Variants in NOD1 observed in about 807,000 individuals in gnomAD.
The protein encoded by NOD1 is nucleotide-binding oligomerization domain-containing protein 1.
A neutral mutation model predicts 81.2 loss-of-function variants in NOD1; 70 were observed. The ratio of observed to expected loss-of-function variants is 0.86; its 90% CI spans 0.71 to 1.05. The LOEUF is 1.05. Among genes scored for constraint, NOD1 ranks in the 50% least tolerant of loss-of-function variants. The probability of loss-of-function intolerance (pLI) is 0.00; values close to 1 mark genes in which losing one functional copy is unlikely to be tolerated. For synonymous variants in NOD1, 508 were observed against 526.9 expected (o/e 0.96, Z 0.49); for missense variants, 1,233 against 1,228.0 (o/e 1.00, Z -0.06).
In NOD1 at chr7:30,437,580, TG is replaced by T; in HGVS notation, c.2529del (p.Thr844ProfsTer2). 1 of 1,504,404 alleles carries T rather than the reference TG, an allele frequency of 6.6e-7. No individual in the cohort carries two copies. The highest frequency in any genetic ancestry group is 1.4e-5 in the South Asian group (1 of 72,260). The allele number at this position is 1,504,404 out of a possible 1,614,324, so 93.2% of individuals were successfully genotyped here. On this transcript the variant is annotated frameshift_variant, in exon 10 of 14. Coordinates refer to ENST00000222823, the MANE Select transcript of NOD1 (RefSeq NM_006092.4). LOFTEE classifies it high-confidence loss of function. ...CAGCAGGGCCACAGTTACCTCAGGG[TG>T]GTCAAGCTGGGGTGGTTCCGCAGAG... ...AEALRNHPSL[T>X]TLSLASNGIS...
chr7:30,449,176 T>G lies in NOD1; in HGVS notation c.2202-795A>C, dbSNP rs183096030. On this transcript the variant is annotated intron_variant, in intron 6 of 13. Coordinates refer to ENST00000222823, the MANE Select transcript of NOD1 (RefSeq NM_006092.4). ...CTGACCTTGATAACAAGTAAAAGGC[T>G]GAACAATTAAAAGCTTGATTTTTAG... 2.1e-3 allele frequency among the ~76,000 whole-genome samples: 313 copies of G among 152,320 alleles called. 6 individuals are homozygous for G. The highest frequency in any genetic ancestry group is 2.6e-4 in the Non-Finnish European group (18 of 68,008).
At chr7:30,471,838 C>T (rs1406023697) in intron 1 of NOD1, among the ~76,000 whole-genome samples, 2 of 152,210 alleles carry the variant, frequency 1.3e-5, no homozygotes, top group African/African-American at 4.8e-5. Context: ...CACTGAAGCT[C>T]CTGATGAAGG....
At chr7:30,456,606 G>A in intron 4 of NOD1, 115 bp downstream of exon 4, 1 of 848,642 alleles carries the variant, frequency 1.2e-6, no homozygotes, top group Non-Finnish European at 1.9e-6. Flanking sequence ...ACCCCAAAAT[G>A]CAGCCCTGCC....
chr7:30,469,243 C>T, intron 1 of NOD1: 1 of 985,268 alleles, frequency 1.0e-6, no homozygotes, highest in Non-Finnish European at 1.2e-6. Context: ...GACAATTTAG[C>T]AGATGGATGA....
intron 1 of NOD1, among the ~76,000 whole-genome samples, chr7:30,461,681 A>T (rs1041762167): frequency 2.0e-5 from 3 of 152,218 alleles, no homozygotes; most frequent in African/African-American, 7.2e-5. Flanking sequence ...TTGAGACATC[A>T]GAGTTCCTGC....
In NOD1 at chr7:30,446,191, C is replaced by A; in HGVS notation, c.2403G>T (p.Gly801=). The change falls in exon 9 of 14, where the codon GGG becomes GGT. Residue 801 remains glycine (G), a synonymous_variant. Transcript: ENST00000222823. ...LGKNKITSEG[G]KYLALAVKNS... is the part of the protein sequence containing the mutation. ...TCTTCACAGCCAGGGCGAGATACTT[C>A]CCTCCTTCACTTGTTATTTTGTTTT... The A allele has an allele frequency of 6.2e-7, 1 of 1,612,918 alleles. No homozygotes were observed. The highest frequency in any genetic ancestry group is 8.5e-7 in the Non-Finnish European group (1 of 1,178,918).
chr7:30,462,074 T>A (rs1357704298), intron 1 of NOD1, among the ~76,000 whole-genome samples: 1 of 152,204 alleles, frequency 6.6e-6, no homozygotes, highest in East Asian at 1.9e-4. Flanking sequence ...ATCAGTTTCA[T>A]CGGCAACTCA....
chr7:30,462,170 C>G (rs562877368), intron 1 of NOD1, among the ~76,000 whole-genome samples: 2 of 152,300 alleles, frequency 1.3e-5, no homozygotes, highest in Non-Finnish European at 2.9e-5. Context: ...GGTTTATACT[C>G]AATGTAAAAT....
intron 1 of NOD1, chr7:30,463,902 T>A (rs1316363107): frequency 6.6e-6 from 1 of 152,200 alleles, no homozygotes; most frequent in Non-Finnish European, 1.5e-5. Context: ...GAGCACTTCC[T>A]TTCAGCTTTT....
rs757192492 is a variant in NOD1, at chr7:30,451,265, A to T, written c.2152T>A (p.Tyr718Asn). The change falls in exon 6 of 14, where the codon TAC becomes AAC. Residue 718 changes from tyrosine (Y) to asparagine (N), a missense_variant. Physicochemically the swap from Tyr to Asn is moderately radical, Grantham distance 143. Coordinates refer to ENST00000222823, the MANE Select transcript of NOD1 (RefSeq NM_006092.4). The surrounding 1 kb of genome is among the most constrained non-coding windows in gnomAD (Gnocchi z 4.2). ...LDLDNNNLND[Y>N]GVRELQPCFS... ...CAGGGCTGCAGCTCCCGCACGCCGT[A>T]GTCGTTGAGATTGTTGTTGTCTAGG... The T allele has an allele frequency of 6.2e-7, 1 of 1,614,082 alleles. No homozygotes were observed. The highest frequency in any genetic ancestry group is 1.1e-5 in the South Asian group (1 of 91,082).
intron 5 of NOD1, among the ~76,000 whole-genome samples, 189 bp from the exon 6 acceptor site, chr7:30,453,229 T>C (rs1785983409): frequency 6.6e-6 from 1 of 152,106 alleles, no homozygotes; most frequent in African/African-American, 2.4e-5. Flanking sequence ...TTCCTGACCC[T>C]GAGGGCCCCA....
intron 13 of NOD1, 117 bp from the exon 14 acceptor site, chr7:30,425,827 C>T (rs1256519499): frequency 1.8e-5 from 14 of 767,294 alleles, no homozygotes; most frequent in Non-Finnish European, 3.1e-5. Flanking sequence ...ACATGTATCC[C>T]TGAAATTAAG....
intron 1 of NOD1, among the ~76,000 whole-genome samples, chr7:30,472,674 A>G (rs895386208): frequency 3.3e-5 from 5 of 152,240 alleles, no homozygotes; most frequent in African/African-American, 4.8e-5. Flanking sequence ...TGGAGCCCCA[A>G]TGATGGGATT....
At chr7:30,446,923 G>A (rs1414379958) in intron 8 of NOD1, 44 bp downstream of exon 8, 2 of 1,447,978 alleles carry the variant, frequency 1.4e-6, no homozygotes, top group African/African-American at 1.4e-5. Context: ...AGAAGGGGGT[G>A]ATCAAGAGAA....
chr7:30,451,102 C>G lies in NOD1; in HGVS notation c.2201+114G>C. 1 of 1,253,280 alleles carries G rather than the reference C, an allele frequency of 8.0e-7. No homozygotes were observed. Among genetic ancestry groups the G allele is most frequent in the Non-Finnish European group, 1.1e-6 (1 of 923,488 alleles). 77.6% of individuals were successfully genotyped at this position (1,253,280 alleles called of 1,614,324 possible). ...CTAAGAAAGAAAAGGTCTGGACATT[C>G]CAAGGGCCATGGTCATGAGTCCTGG... On this transcript the variant is annotated intron_variant, in intron 6 of 13. Transcript: ENST00000222823. The surrounding 1 kb of genome is among the most constrained non-coding windows in gnomAD (Gnocchi z 4.2).
intron 1 of NOD1, among the ~76,000 whole-genome samples, chr7:30,473,195 C>A (rs1788447279): frequency 6.6e-6 from 1 of 152,132 alleles, no homozygotes; most frequent in South Asian, 2.1e-4. Context: ...CTTTCTGGGC[C>A]CCCAAATTCC....
Position 30,424,909 on chromosome 7 carries a change from C to T in NOD1, c.*729G>A, listed in dbSNP as rs1423395334. On this transcript the variant is annotated 3_prime_UTR_variant, in exon 14 of 14. Transcript: ENST00000222823. ...AGGGTAGCCTAGCAGAGGAGAAGCC[C>T]TGAGTGGAAGCAGCATTTTGAAGGC... 6.6e-6 allele frequency: 1 copy of T among 152,370 alleles called. No homozygotes were observed. The highest frequency in any genetic ancestry group is 2.1e-4 in the South Asian group (1 of 4,832). 9.4% of individuals were successfully genotyped at this position (152,370 alleles called of 1,614,324 possible). A position where few individuals can be genotyped will look rare whatever the true frequency, so the allele number is the denominator to read the frequency against.
In NOD1 at chr7:30,452,091, C is replaced by T. The variant is rs760743055; in HGVS notation, c.1326G>A (p.Val442=). 8.7e-6 allele frequency: 14 copies of T among 1,613,704 alleles called. No individual in the cohort carries two copies. The East Asian group carries it at 1.1e-4, about 13-fold the overall frequency. ...CCACTGGGCTGCGTGTGTTCCGCTG[C>T]ACCAGGCTGCTGGGCTGCATCCTGT... ...HLNRMQPSSL[V]QRNTRSPVET... Residue 442 remains valine, a synonymous_variant, in exon 6 of 14, where the codon GTG becomes GTA. Coordinates refer to ENST00000222823, the MANE Select transcript of NOD1 (RefSeq NM_006092.4).
Position 30,451,694 on chromosome 7 carries a change from G to A in NOD1, c.1723C>T (p.Arg575Trp), listed in dbSNP as rs143500064. 206 of 1,613,932 alleles carry A rather than the reference G, an allele frequency of 1.3e-4. No individual in the cohort carries two copies. Among genetic ancestry groups the A allele is most frequent in the Middle Eastern group, 4.9e-4 (3 of 6,062 alleles). The change falls in exon 6 of 14, where the codon CGG becomes TGG. Residue 575 changes from arginine (R) to tryptophan (W), a missense_variant. Physicochemically the swap from Arg to Trp is moderately radical, Grantham distance 101. Transcript: ENST00000222823. The surrounding 1 kb of genome is among the most constrained non-coding windows in gnomAD (Gnocchi z 4.2). ...FQCLQGSGPAREDLFKNKDHF... is the reference protein window; with the variant it reads ...FQCLQGSGPAWEDLFKNKDHF... ...TCCTTGTTCTTGAAGAGGTCTTCCCGCGCCGGACCACTGCCCTGCAGGCAC... is the reference window on the plus strand; with the variant it reads ...TCCTTGTTCTTGAAGAGGTCTTCCCACGCCGGACCACTGCCCTGCAGGCAC...
Sources: gnomAD v4.1 joint callset for allele counts (sites outside exome capture counted in the v4.1 genomes callset) on GRCh38, gnomAD v4.1.1 for gene constraint, Gnocchi (gnomAD v3.1) non-coding constraint, MANE v1.5 for transcripts, NCBI Gene and HGNC (gene_info 2026-07-23, HGNC 2026-07-21) for gene names.